Variants in GFOD1 observed in about 807,000 individuals in gnomAD.
GFOD1 encodes the protein Gfo/Idh/MocA-like oxidoreductase domain containing 1.
In GFOD1, 9 loss-of-function variants were observed where a neutral mutation model predicts 25.4. The ratio of observed to expected loss-of-function variants is 0.35; its 90% confidence interval spans 0.21 to 0.62. The LOEUF is 0.62. GFOD1 is among the 20% of genes least tolerant of loss of function. The probability of loss-of-function intolerance (pLI) is 0.72; values close to 1 mark genes in which losing one functional copy is unlikely to be tolerated. For missense variants in GFOD1, 403 were observed against 556.9 expected, an observed-to-expected ratio of 0.72 and a Z score of 2.78; for synonymous variants, 253 against 245.6, an observed-to-expected ratio of 1.03 and a Z score of -0.28.
chr6:13,357,912 C>A lies in GFOD1; in HGVS notation c.*6831G>T, dbSNP rs1042967474. On this transcript the variant is annotated 3_prime_UTR_variant, in exon 2 of 2. Transcript: ENST00000379287. Reference sequence around the variant, plus strand: ...AATTGCGGAGAACAGCTGGAAGCCACGTCAGAGCGGCACAGGCCAGCTGGC... The same window carrying A: ...AATTGCGGAGAACAGCTGGAAGCCAAGTCAGAGCGGCACAGGCCAGCTGGC... The A allele has an allele frequency of 1.3e-5, 2 of 152,340 alleles. No homozygotes were observed. Among genetic ancestry groups the A allele is most frequent in the Non-Finnish European group, 2.9e-5 (2 of 68,086 alleles). The allele number at this position is 152,340 out of a possible 1,614,324, so 9.4% of individuals were successfully genotyped here.
intron 1 of GFOD1, among the ~76,000 whole-genome samples, chr6:13,389,626 G>A (rs771144521): frequency 4.6e-5 from 7 of 152,010 alleles, no homozygotes; most frequent in Non-Finnish European, 8.8e-5. Flanking sequence ...GGTGCGGGGT[G>A]GGGGAAGGGA....
intron 1 of GFOD1, among the ~76,000 whole-genome samples, chr6:13,370,850 G>A (rs562243345): frequency 2.6e-5 from 4 of 152,176 alleles, no homozygotes; most frequent in Non-Finnish European, 4.4e-5. Context: ...CACAATCCTG[G>A]GTGTGTCAGA....
At position 13,359,226 on chromosome 6, in the gene GFOD1, T is replaced by C. The variant is rs2127553076; in HGVS notation, c.*5517A>G. On this transcript the variant is annotated 3_prime_UTR_variant, in exon 2 of 2. Transcript: ENST00000379287. ...GTGGAGAGGCGGGCATGCCTGCCGC[T>C]GAGAAAGACATAATAACGCTCCAGC... The C allele has an allele frequency of 6.6e-6, 1 of 152,364 alleles. No homozygotes were observed. The highest frequency in any genetic ancestry group is 1.9e-4 in the East Asian group (1 of 5,194). The allele number at this position is 152,364 out of a possible 1,614,324, so 9.4% of individuals were successfully genotyped here. A position where few individuals can be genotyped will look rare whatever the true frequency, so the allele number is the denominator to read the frequency against.
At chr6:13,442,880 C>G (rs947491668) in intron 1 of GFOD1, among the ~76,000 whole-genome samples, 6 of 152,140 alleles carry the variant, frequency 3.9e-5, no homozygotes, top group African/African-American at 9.7e-5. Flanking sequence ...GATCAAAGAG[C>G]AATTTTGACT....
intron 1 of GFOD1, among the ~76,000 whole-genome samples, chr6:13,427,749 C>A (rs928805330): frequency 6.6e-6 from 1 of 152,084 alleles, no homozygotes; most frequent in Non-Finnish European, 1.5e-5. Flanking sequence ...TTATCCCATG[C>A]GATAATAAAG....
At chr6:13,470,448 G>A in intron 1 of GFOD1, 5 of 1,550,248 alleles carry the variant, frequency 3.2e-6, no homozygotes, top group Non-Finnish European at 4.4e-6. Context: ...TAGACAGGCT[G>A]CATCCCTAAG....
At chr6:13,476,231 A>G (rs1420708462) in intron 1 of GFOD1, among the ~76,000 whole-genome samples, 1 of 152,230 alleles carries the variant, frequency 6.6e-6, no homozygotes, top group Non-Finnish European at 1.5e-5. Flanking sequence ...AAAATGCGGT[A>G]TATCCACACA....
intron 1 of GFOD1, among the ~76,000 whole-genome samples, chr6:13,467,759 G>A (rs1052804115): frequency 2.6e-5 from 4 of 152,164 alleles, no homozygotes; most frequent in African/African-American, 9.7e-5. Flanking sequence ...GGCACACAAG[G>A]TTAGAAATAC....
intron 1 of GFOD1, among the ~76,000 whole-genome samples, chr6:13,405,470 C>T (rs1371340034): frequency 6.6e-6 from 1 of 152,188 alleles, no homozygotes; most frequent in Non-Finnish European, 1.5e-5. Flanking sequence ...TTTATATTTA[C>T]AGCACATCTT....
intron 1 of GFOD1, among the ~76,000 whole-genome samples, chr6:13,463,588 G>A (rs557712850): frequency 1.3e-5 from 2 of 152,290 alleles, no homozygotes; most frequent in South Asian, 4.1e-4. Context: ...CGTCCATTAA[G>A]CATGGTGAAA....
intron 1 of GFOD1, among the ~76,000 whole-genome samples, chr6:13,405,593 G>A (rs993856171): frequency 1.3e-5 from 2 of 152,202 alleles, no homozygotes; most frequent in Admixed American, 6.5e-5. Context: ...CTTGAAAGAA[G>A]ATGTGAGGTT....
chr6:13,455,535 G>C (rs1416504133), intron 1 of GFOD1, among the ~76,000 whole-genome samples: 1 of 152,200 alleles, frequency 6.6e-6, no homozygotes, highest in African/African-American at 2.4e-5. Context: ...TTGACAGAGG[G>C]ATGCCTAAAA....
chr6:13,418,878 T>C (rs532211373), intron 1 of GFOD1, among the ~76,000 whole-genome samples: 195 of 152,298 alleles, frequency 1.3e-3, no homozygotes, highest in Non-Finnish European at 1.9e-3. Context: ...CTGGGAAATG[T>C]TTCTCAGTCC....
chr6:13,391,167 G>T (rs74625335), intron 1 of GFOD1, among the ~76,000 whole-genome samples: 2 of 152,132 alleles, frequency 1.3e-5, no homozygotes, highest in Non-Finnish European at 2.9e-5. Context: ...GTGAACATTC[G>T]ATTTTTTTGT....
rs1785011767 is a variant in GFOD1, at chr6:13,364,968, G to A, written c.948C>T (p.Ala316=). 2 of 1,609,704 alleles carry A rather than the reference G, an allele frequency of 1.2e-6. No individual in the cohort carries two copies. Among genetic ancestry groups the A allele is most frequent in the African/African-American group, 2.7e-5 (2 of 74,940 alleles). ...TIKMMQAVRQ[A]FQDQDDRRTW... is the part of the protein sequence containing the mutation. ...TGCGCCGGTCGTCCTGGTCCTGGAA[G>A]GCCTGGCGCACCGCCTGCATCATCT... Residue 316 remains alanine (A), a synonymous_variant, in exon 2 of 2, where the codon GCC becomes GCT. Coordinates refer to ENST00000379287, the MANE Select transcript of GFOD1 (RefSeq NM_018988.4). The surrounding 1 kb of genome is among the most constrained non-coding windows in gnomAD (Gnocchi z 4.1).
chr6:13,434,473 AG>A (rs1271214059), intron 1 of GFOD1, among the ~76,000 whole-genome samples: 2 of 151,664 alleles, frequency 1.3e-5, no homozygotes, highest in Admixed American at 1.3e-4. Flanking sequence ...AGTCAAGTGC[AG>A]GGCTTTATGG....
chr6:13,387,538 G>A (rs1350631574), intron 1 of GFOD1, among the ~76,000 whole-genome samples: 1 of 152,178 alleles, frequency 6.6e-6, no homozygotes, highest in East Asian at 1.9e-4. Flanking sequence ...CTCAATAGAT[G>A]CAGAAAAGGC....
chr6:13,457,831 C>T (rs1374946350), intron 1 of GFOD1, among the ~76,000 whole-genome samples: 3 of 152,186 alleles, frequency 2.0e-5, no homozygotes, highest in African/African-American at 7.2e-5. Context: ...CTTCATCATT[C>T]GCTTGACCCG....
intron 1 of GFOD1, among the ~76,000 whole-genome samples, chr6:13,409,139 A>AGG (rs1786006930): frequency 5.6e-5 from 2 of 35,904 alleles, no homozygotes; most frequent in Admixed American, 5.6e-4. Flanking sequence ...GAAAGAAAGA[A>AGG]AGAAAGAAAG....
Sources: allele counts gnomAD v4.1 joint callset (sites outside exome capture counted in the v4.1 genomes callset), GRCh38; gene constraint gnomAD v4.1.1; non-coding constraint Gnocchi (gnomAD v3.1); transcripts MANE v1.5; gene names NCBI Gene and HGNC (gene_info 2026-07-23, HGNC 2026-07-21).